Variants in NAB2 observed in about 807,000 individuals in gnomAD.
NAB2 encodes NGFI-A-binding protein 2.
NAB2 carries 9 observed loss-of-function variants against 44.2 expected under a neutral mutation model. The ratio of observed to expected loss-of-function variants is 0.20; its 90% CI spans 0.12 to 0.36. The LOEUF (loss-of-function observed/expected upper bound fraction) is 0.36. Among genes scored for constraint, NAB2 ranks in the 10% least tolerant of loss-of-function variants. The probability of loss-of-function intolerance (pLI) is 1.00; values close to 1 mark genes in which losing one functional copy is unlikely to be tolerated. For synonymous variants in NAB2, 342 were observed against 291.0 expected (o/e 1.18, Z -1.78); for missense variants, 514 against 709.0 (o/e 0.73, Z 3.12).
In NAB2 at chr12:57,091,015, A is replaced by T; in HGVS notation, c.84-110A>T. Reference sequence around the variant, plus strand: ...CACTGGGCAGGATAGCATCCAAATGAGGGAGGGGAAGAAAAGCAGGCAGGA... The same window carrying T: ...CACTGGGCAGGATAGCATCCAAATGTGGGAGGGGAAGAAAAGCAGGCAGGA... On this transcript the variant is annotated intron_variant, in intron 1 of 6. Coordinates refer to ENST00000300131, the MANE Select transcript of NAB2 (RefSeq NM_005967.4). This position sits in a 1 kb window ranked among gnomAD's most constrained non-coding sequence, Gnocchi z 7.3. 1.1e-6 allele frequency: 1 copy of T among 942,728 alleles called. No individual in the cohort carries two copies. The highest frequency in any genetic ancestry group is 1.6e-6 in the Non-Finnish European group (1 of 636,214). The allele number at this position is 942,728 out of a possible 1,614,324, so 58.4% of individuals were successfully genotyped here.
intron 1 of NAB2, among the ~76,000 whole-genome samples, chr12:57,090,223 G>A (rs906805828): frequency 6.6e-6 from 1 of 152,134 alleles, no homozygotes; most frequent in Admixed American, 6.5e-5. Context: ...CGGTGGCTCA[G>A]GCCTGTAATC....
chr12:57,092,927 G>A lies in NAB2; in HGVS notation c.1102G>A (p.Glu368Lys). 1 of 1,614,202 alleles carries A rather than the reference G, an allele frequency of 6.2e-7. No homozygotes were observed. The highest frequency in any genetic ancestry group is 8.5e-7 in the Non-Finnish European group (1 of 1,180,022). ...SSLKGSRLHP[E>K]ELGGPPLKKL... ...TACCCATCTTTTCAGGCTTCACCCT[G>A]AAGAACTGGGAGGCCCTCCACTGAA... is the stretch of plus-strand genomic sequence containing the variant. The change falls in exon 4 of 7, where the codon GAA becomes AAA. Residue 368 changes from glutamate (E) to lysine (K), a missense_variant. By Grantham distance (56) the Glu-to-Lys change is moderately conservative (BLOSUM62 1). This residue lies in a region of NAB2 where 194 missense variants were observed against 223.9 expected (regional missense o/e 0.87). Transcript: ENST00000300131.
At chr12:57,089,440 A>C in intron 1 of NAB2, 86 bp downstream of exon 1, 4 of 341,432 alleles carry the variant, frequency 1.2e-5, no homozygotes, top group Non-Finnish European at 4.5e-6. Flanking sequence ...GGTCGAGGGG[A>C]GGACGTGGGG....
chr12:57,089,957 G>A (rs1247976751), intron 1 of NAB2, among the ~76,000 whole-genome samples: 1 of 152,188 alleles, frequency 6.6e-6, no homozygotes, highest in Non-Finnish European at 1.5e-5. Flanking sequence ...GTAGGCGGGA[G>A]CCCCTGGGCG....
rs2033115570 is a variant in NAB2, at chr12:57,089,242, A to G, written c.-30A>G. The G allele has an allele frequency of 6.4e-7, 1 of 1,556,666 alleles. No individual in the cohort carries two copies. The highest frequency in any genetic ancestry group is 1.4e-5 in the African/African-American group (1 of 73,494). ...CAGGCGCCGAGCGCCGGGCACCGAG[A>G]AGGGCAGCCCGGGTGATCTCCGGCC... On this transcript the variant is annotated 5_prime_UTR_variant, in exon 1 of 7. Transcript: ENST00000300131.
Position 57,091,102 on chromosome 12 carries a change from T to C in NAB2, c.84-23T>C. ...TAGGGGGACTTGCACCGACTGCCTC[T>C]CTCTTGTGCCCCTCCTTCTCAGGCC... On this transcript the variant is annotated intron_variant, in intron 1 of 6. Transcript: ENST00000300131. The surrounding 1 kb of genome is among the most constrained non-coding windows in gnomAD (Gnocchi z 7.3). 6.7e-7 allele frequency: 1 copy of C among 1,502,562 alleles called. No individual in the cohort carries two copies. The highest frequency in any genetic ancestry group is 1.4e-5 in the African/African-American group (1 of 71,460). The allele number at this position is 1,502,562 out of a possible 1,614,324, so 93.1% of individuals were successfully genotyped here. A position where few individuals can be genotyped will look rare whatever the true frequency, so the allele number is the denominator to read the frequency against.
intron 1 of NAB2, among the ~76,000 whole-genome samples, chr12:57,090,010 C>T (rs571743614): frequency 2.6e-5 from 4 of 152,268 alleles, no homozygotes; most frequent in African/African-American, 4.8e-5. Flanking sequence ...TGTGTGTGGG[C>T]GGAACGGCCC....
chr12:57,095,024 T>C lies in NAB2; in HGVS notation c.*303T>C. ...TCACACAACACACTCCCATTCTCTT[T>C]AGGTTTGCACCAGTGGTGTGAGCAG... On this transcript the variant is annotated 3_prime_UTR_variant, in exon 7 of 7. Coordinates refer to ENST00000300131, the MANE Select transcript of NAB2 (RefSeq NM_005967.4). The C allele has an allele frequency of 5.5e-6, 2 of 363,314 alleles. No homozygotes were observed. Among genetic ancestry groups the C allele is most frequent in the Non-Finnish European group, 1.0e-5 (2 of 196,916 alleles). 22.5% of individuals were successfully genotyped at this position (363,314 alleles called of 1,614,324 possible).
Position 57,089,332 on chromosome 12 carries a change from C to A in NAB2, c.61C>A (p.Arg21=), listed in dbSNP as rs776695955. 1.9e-6 allele frequency: 3 copies of A among 1,575,638 alleles called. No homozygotes were observed. In the South Asian group the frequency reaches 3.5e-5, roughly 18 times the overall value. ...QPPGGGDSAR[R]TLQPRLKPSA... Reference sequence around the variant, plus strand: ...GCCGGGCGGAGGGGACAGCGCCCGCCGGACCCTGCAGCCCAGACTCAAGTT... The same window carrying A: ...GCCGGGCGGAGGGGACAGCGCCCGCAGGACCCTGCAGCCCAGACTCAAGTT... Residue 21 remains arginine (R), a synonymous_variant, in exon 1 of 7, where the codon CGG becomes AGG. Transcript: ENST00000300131.
intron 1 of NAB2, among the ~76,000 whole-genome samples, chr12:57,090,382 G>A (rs1371619595): frequency 6.6e-6 from 1 of 152,206 alleles, no homozygotes; most frequent in Non-Finnish European, 1.5e-5. Context: ...TACTCAGGAG[G>A]CTGAGGCAGG....
At chr12:57,092,155 G>A (rs565189065) in intron 2 of NAB2, 157 bp downstream of exon 2, 16 of 1,291,694 alleles carry the variant, frequency 1.2e-5, no homozygotes, top group African/African-American at 3.0e-5. Context: ...CCCAGCGGCC[G>A]CAGTGCTTCC....
intron 1 of NAB2, 72 bp downstream of exon 1, chr12:57,089,426 C>T: frequency 2.3e-6 from 1 of 440,098 alleles, no homozygotes; most frequent in Middle Eastern, 5.2e-4. Flanking sequence ...GTCCAGAGGG[C>T]GGAGGTCGAG....
chr12:57,091,659 C>G lies in NAB2; in HGVS notation c.618C>G (p.Pro206=), dbSNP rs2233270. The part of the protein sequence containing the change: ...GAGGEEEAGS[P]PFSPPAGGGV... ...GAGGAGAAGAGGAGGCTGGCTCGCC[C>G]CCCTTCTCCCCCCCTGCAGGGGGAG... Residue 206 remains proline, a synonymous_variant, in exon 2 of 7, where the codon CCC becomes CCG. Coordinates refer to ENST00000300131, the MANE Select transcript of NAB2 (RefSeq NM_005967.4). The surrounding 1 kb of genome is among the most constrained non-coding windows in gnomAD (Gnocchi z 7.3). 6.7e-5 allele frequency: 108 copies of G among 1,609,464 alleles called. No homozygotes were observed. Among genetic ancestry groups the G allele is most frequent in the Admixed American group, 2.7e-4 (16 of 59,594 alleles).
Position 57,089,187 on chromosome 12 carries a change from A to T in NAB2, c.-85A>T. 1 of 1,382,332 alleles carries T rather than the reference A, an allele frequency of 7.2e-7. No individual in the cohort carries two copies. The highest frequency in any genetic ancestry group is 1.0e-6 in the Non-Finnish European group (1 of 1,002,688). 85.6% of individuals were successfully genotyped at this position (1,382,332 alleles called of 1,614,324 possible). On this transcript the variant is annotated 5_prime_UTR_variant, in exon 1 of 7. Coordinates refer to ENST00000300131, the MANE Select transcript of NAB2 (RefSeq NM_005967.4). ...GAGCCTGGACAGCGGTGGACACGGCATCGTGCGCGGGGAAGAGGGCAGCAC... is the reference window on the plus strand; with the variant it reads ...GAGCCTGGACAGCGGTGGACACGGCTTCGTGCGCGGGGAAGAGGGCAGCAC...
intron 1 of NAB2, among the ~76,000 whole-genome samples, chr12:57,089,778 A>T (rs569417087): frequency 2.1e-5 from 3 of 141,492 alleles, no homozygotes; most frequent in African/African-American, 8.0e-5. Flanking sequence ...AGCGGGGGAA[A>T]GGGGGGGTGA....
At position 57,089,349 on chromosome 12, in the gene NAB2, A is replaced by G; in HGVS notation, c.78A>G (p.Arg26=). The change falls in exon 1 of 7, where the codon AGA becomes AGG. Residue 26 remains arginine (R), a synonymous_variant. Coordinates refer to ENST00000300131, the MANE Select transcript of NAB2 (RefSeq NM_005967.4). ...GCGCCCGCCGGACCCTGCAGCCCAGACTCAAGTTAGTGGGCAAAGGGAGGC... is the reference window on the plus strand; with the variant it reads ...GCGCCCGCCGGACCCTGCAGCCCAGGCTCAAGTTAGTGGGCAAAGGGAGGC... The part of the protein sequence containing the change: ...GDSARRTLQP[R]LKPSARAMAL... The G allele has an allele frequency of 6.4e-7, 1 of 1,570,114 alleles. No homozygotes were observed. Among genetic ancestry groups the G allele is most frequent in the Non-Finnish European group, 8.6e-7 (1 of 1,157,794 alleles).
In NAB2 at chr12:57,089,420, AG is replaced by A. The variant is rs1592530406; in HGVS notation, c.83+67del. 6.6e-6 allele frequency: 6 copies of A among 915,164 alleles called. No homozygotes were observed. The East Asian group carries it at 3.7e-4, about 57-fold the overall frequency. 56.7% of individuals were successfully genotyped at this position (915,164 alleles called of 1,614,324 possible). A position where few individuals can be genotyped will look rare whatever the true frequency, so the allele number is the denominator to read the frequency against. On this transcript the variant is annotated intron_variant, in intron 1 of 6. Coordinates refer to ENST00000300131, the MANE Select transcript of NAB2 (RefSeq NM_005967.4). ...GGAGCTGGACTTGGGAATGGGGTCC[AG>A]AGGGCGGAGGTCGAGGGGAGGACGT...
chr12:57,089,490 G>C, intron 1 of NAB2, 136 bp downstream of exon 1: 2 of 752,640 alleles, frequency 2.7e-6, no homozygotes, highest in East Asian at 3.1e-5. Flanking sequence ...GATGGAAAAG[G>C]GGGTGCGTCT....
chr12:57,093,036 T>TC, intron 4 of NAB2, 27 bp from the exon 5 acceptor site: 2 of 1,613,972 alleles, frequency 1.2e-6, no homozygotes, highest in East Asian at 4.5e-5. Flanking sequence ...TGGCAGGTCT[T>TC]CATTTCCCCA....
Sources: gnomAD v4.1 joint callset for allele counts (sites outside exome capture counted in the v4.1 genomes callset) on GRCh38, gnomAD v4.1.1 for gene constraint, gnomAD v4.1.1 regional missense constraint, Gnocchi (gnomAD v3.1) non-coding constraint, MANE v1.5 for transcripts, NCBI Gene and HGNC (gene_info 2026-07-23, HGNC 2026-07-21) for gene names.